The following NUB1 variants were observed in gnomAD, a reference collection of about 807,000 sequenced individuals.
NUB1 encodes the protein NEDD8 ultimate buster 1.
A neutral mutation model predicts 77.1 loss-of-function variants in NUB1; 41 were observed. The observed-to-expected ratio is 0.53, with a 90% CI of 0.41 to 0.69. NUB1 has a LOEUF of 0.69. Ranked by LOEUF, NUB1 falls within the 30% of genes least tolerant of loss-of-function variation. The pLI is 0.00. For synonymous variants in NUB1, 257 were observed against 281.0 expected (o/e 0.91, Z 0.85); for missense variants, 643 against 743.8 (o/e 0.86, Z 1.58).
At chr7:151,357,594 AATTAAAG>A (rs1254787295) in intron 7 of NUB1, among the ~76,000 whole-genome samples, 1 of 150,196 alleles carries the variant, frequency 6.7e-6, no homozygotes, top group Non-Finnish European at 1.5e-5. Context: ...CTCTGTTTAA[AATTAAAG>A]ATTAAAGTTT....
intron 4 of NUB1, chr7:151,352,250 C>T (rs1796845967): frequency 2.3e-6 from 1 of 441,568 alleles, no homozygotes; most frequent in Non-Finnish European, 4.6e-6. Context: ...CATGGATCTA[C>T]AGCACTGTGG....
Position 151,344,180 on chromosome 7 carries a change from C to CAAA in NUB1, c.-2-1137_-2-1135dup, listed in dbSNP as rs561127147. ...TGGGCGACAGAGTGAGACTCCCTCT[C>CAAA]AAAAAAAAAAAAAAAAAAAAAAAAA... On this transcript the variant is annotated intron_variant, in intron 1 of 14. Transcript: ENST00000568733. Among the ~76,000 whole-genome samples, 428 of 45,608 alleles carry CAAA rather than the reference C, an allele frequency of 9.4e-3. 52 individuals are homozygous for CAAA. The highest frequency in any genetic ancestry group is 0.017 in the Non-Finnish European group (309 of 17,802). 29.9% of individuals were successfully genotyped at this position (45,608 alleles called of 152,430 possible).
At chr7:151,374,427 C>T (rs1432333632) in intron 12 of NUB1, 184 bp downstream of exon 12, 2 of 773,830 alleles carry the variant, frequency 2.6e-6, no homozygotes, top group East Asian at 2.7e-5. Context: ...CACGTGAGGC[C>T]CCATGCTCAG....
At chr7:151,342,206 G>A (rs1584927534) in intron 1 of NUB1, among the ~76,000 whole-genome samples, 1 of 152,194 alleles carries the variant, frequency 6.6e-6, no homozygotes, top group African/African-American at 2.4e-5. Context: ...TACCATTTGG[G>A]ATTTATTTGC....
intron 2 of NUB1, among the ~76,000 whole-genome samples, chr7:151,346,231 C>T (rs1357037289): frequency 1.3e-5 from 2 of 152,174 alleles, no homozygotes; most frequent in African/African-American, 4.8e-5. Context: ...TCTTCTGTTC[C>T]AGGCAGGCCT....
chr7:151,359,210 G>A (rs1037067660), intron 7 of NUB1, among the ~76,000 whole-genome samples: 16 of 150,278 alleles, frequency 1.1e-4, no homozygotes, highest in African/African-American at 3.4e-4. Flanking sequence ...AGGCCGAGGC[G>A]GGCAGATCAC....
intron 9 of NUB1, among the ~76,000 whole-genome samples, chr7:151,367,600 G>A (rs945989016): frequency 6.6e-6 from 1 of 152,164 alleles, no homozygotes; most frequent in African/African-American, 2.4e-5. Context: ...CTTCTCTGCT[G>A]ACCAGAAGGG....
At chr7:151,366,661 T>C (rs995287478) in intron 8 of NUB1, among the ~76,000 whole-genome samples, 12 of 152,176 alleles carry the variant, frequency 7.9e-5, no homozygotes, top group African/African-American at 2.9e-4. Context: ...TGGGTTCTGC[T>C]TCCTATCAAG....
rs59781719 is a variant in NUB1, at chr7:151,348,569, C to CTTTTTTTTTTT, written c.118-490_118-480dup. The stretch of plus-strand genomic sequence containing the variant: ...AAATGTTTTTGTTTTTTGCTTTTTG[C>CTTTTTTTTTTT]TTTTTTTTTTTTTTTTTTTTTTTTG... On this transcript the variant is annotated intron_variant, in intron 2 of 14. Coordinates refer to ENST00000568733, the MANE Select transcript of NUB1 (RefSeq NM_001243351.2). 4.0e-3 allele frequency among the ~76,000 whole-genome samples: 278 copies of CTTTTTTTTTTT among 69,944 alleles called. 21 individuals are homozygous for CTTTTTTTTTTT. Among genetic ancestry groups the CTTTTTTTTTTT allele is most frequent in the Non-Finnish European group, 5.3e-3 (213 of 40,344 alleles). The allele number at this position is 69,944 out of a possible 152,430, so 45.9% of individuals were successfully genotyped here.
intron 5 of NUB1, among the ~76,000 whole-genome samples, chr7:151,353,230 G>A (rs1359392965): frequency 2.6e-5 from 4 of 152,188 alleles, no homozygotes; most frequent in African/African-American, 9.7e-5. Context: ...CCATGGTGGC[G>A]TGCGTTCCAG....
In NUB1 at chr7:151,378,074, T is replaced by C. The variant is rs1305199353; in HGVS notation, c.*849T>C. 1 of 152,238 alleles carries C rather than the reference T, an allele frequency of 6.6e-6. No homozygotes were observed. The highest frequency in any genetic ancestry group is 1.5e-5 in the Non-Finnish European group (1 of 68,058). 9.4% of individuals were successfully genotyped at this position (152,238 alleles called of 1,614,324 possible). Reference sequence around the variant, plus strand: ...CAGGTTTTTTGTGGGTTTTCTTTGTTGTTGTTGTTGTTCTAGCCATGTGAC... The same window carrying C: ...CAGGTTTTTTGTGGGTTTTCTTTGTCGTTGTTGTTGTTCTAGCCATGTGAC... On this transcript the variant is annotated 3_prime_UTR_variant, in exon 15 of 15. Transcript: ENST00000568733.
At chr7:151,363,468 A>C (rs1009872162) in intron 8 of NUB1, among the ~76,000 whole-genome samples, 1 of 148,558 alleles carries the variant, frequency 6.7e-6, no homozygotes, top group Non-Finnish European at 1.5e-5. Context: ...AAAAAAAAAA[A>C]TGAACAGAGC....
chr7:151,351,193 T>G, intron 3 of NUB1: 1 of 503,018 alleles, frequency 2.0e-6, no homozygotes, highest in Non-Finnish European at 3.5e-6. Context: ...AGACGGCCCC[T>G]CTGAGCAGCC....
intron 8 of NUB1, among the ~76,000 whole-genome samples, chr7:151,364,282 A>G (rs1190302388): frequency 4.7e-5 from 7 of 149,076 alleles, no homozygotes; most frequent in Admixed American, 2.0e-4. Context: ...TTAGCCGGGC[A>G]TGGTGGCAGG....
At chr7:151,364,864 ATATT>A (rs1274944192) in intron 8 of NUB1, among the ~76,000 whole-genome samples, 1 of 152,158 alleles carries the variant, frequency 6.6e-6, no homozygotes, top group Non-Finnish European at 1.5e-5. Flanking sequence ...ATTTAAATAA[ATATT>A]TTACGTTTAT....
intron 1 of NUB1, among the ~76,000 whole-genome samples, chr7:151,342,143 A>T (rs1796242349): frequency 1.3e-5 from 2 of 152,244 alleles, no homozygotes; most frequent in Admixed American, 1.3e-4. Context: ...AGGAATAAAT[A>T]TGTCTATAAA....
At chr7:151,373,178 G>A (rs1375059644) in intron 11 of NUB1, among the ~76,000 whole-genome samples, 3 of 152,152 alleles carry the variant, frequency 2.0e-5, no homozygotes, top group African/African-American at 7.2e-5. Flanking sequence ...CCCCGTCCTC[G>A]CTGCTGCTGA....
At position 151,344,882 on chromosome 7, in the gene NUB1, C is replaced by A. The variant is rs542625131; in HGVS notation, c.-2-466C>A. ...GGGCGTGGTGGCGCATGCCTGTAAT[C>A]CCAGTGAGTAGGGAGGCTGATGCAG... On this transcript the variant is annotated intron_variant, in intron 1 of 14. Transcript: ENST00000568733. 1.2e-3 allele frequency among the ~76,000 whole-genome samples: 189 copies of A among 152,216 alleles called. 2 individuals carry two copies. Among genetic ancestry groups the A allele is most frequent in the Non-Finnish European group, 2.3e-3 (157 of 68,020 alleles).
At position 151,377,244 on chromosome 7, in the gene NUB1, G is replaced by T. The variant is rs372764827; in HGVS notation, c.*19G>T. On this transcript the variant is annotated 3_prime_UTR_variant, in exon 15 of 15. Transcript: ENST00000568733. ...AAACTAAATAATGAACAGAAATAGC[G>T]CTAATTTTCTGCTTATAAATGCTAT... is the stretch of plus-strand genomic sequence containing the variant. 2 of 1,470,660 alleles carry T rather than the reference G, an allele frequency of 1.4e-6. No individual in the cohort carries two copies. Among genetic ancestry groups the T allele is most frequent in the Middle Eastern group, 1.8e-4 (1 of 5,406 alleles). The allele number at this position is 1,470,660 out of a possible 1,614,324, so 91.1% of individuals were successfully genotyped here.
Sources: gnomAD v4.1 joint callset for allele counts (sites outside exome capture counted in the v4.1 genomes callset) on GRCh38, gnomAD v4.1.1 for gene constraint, MANE v1.5 for transcripts, NCBI Gene and HGNC (gene_info 2026-07-23, HGNC 2026-07-21) for gene names.